The following SREK1 variants were observed in gnomAD, a reference collection of about 807,000 sequenced individuals.
The protein encoded by SREK1 is splicing regulatory glutamic acid and lysine rich protein 1.
A neutral mutation model predicts 66.5 loss-of-function variants in SREK1; 13 were observed. The observed-to-expected ratio is 0.20, with a 90% CI of 0.13 to 0.31. SREK1 has a LOEUF of 0.31. SREK1 is among the 10% of genes least tolerant of loss of function. The probability of loss-of-function intolerance (pLI) is 1.00; values close to 1 mark genes in which losing one functional copy is unlikely to be tolerated. For missense variants in SREK1, 607 were observed against 769.6 expected (o/e 0.79, Z 2.50); for synonymous variants, 265 against 263.5 (o/e 1.01, Z -0.05).
intron 9 of SREK1, among the ~76,000 whole-genome samples, chr5:66,174,373 TAATGA>T (rs1324604527): frequency 1.3e-5 from 2 of 151,618 alleles, no homozygotes; most frequent in Non-Finnish European, 2.9e-5. Flanking sequence ...AGAACAACAG[TAATGA>T]AATGATAGGA....
In SREK1 at chr5:66,176,336, G is replaced by A. The variant is rs543183503; in HGVS notation, c.1581-1178G>A. 9.9e-5 allele frequency among the ~76,000 whole-genome samples: 15 copies of A among 152,150 alleles called. 1 individual carries two copies. Among genetic ancestry groups the A allele is most frequent in the African/African-American group, 3.1e-4 (13 of 41,488 alleles). On this transcript the variant is annotated intron_variant, in intron 10 of 11. Transcript: ENST00000334121. ...CCCTTTTAATTATTGAGATTATACC[G>A]TATTTTTAAGTATTTGGCAAGGCCT...
chr5:66,145,073 A>G (rs1743049363), intron 1 of SREK1: 1 of 985,656 alleles, frequency 1.0e-6, no homozygotes, highest in East Asian at 1.1e-4. Flanking sequence ...ATTTTGGTTT[A>G]TCTAACCGAG....
Position 66,164,882 on chromosome 5 carries a change from C to T in SREK1, c.986C>T (p.Ser329Leu), listed in dbSNP as rs757562626. Residue 329 changes from serine to leucine, a missense_variant, in exon 7 of 12, where the codon TCA becomes TTA. Ser to Leu is a moderately radical substitution (Grantham distance 145). Coordinates refer to ENST00000334121, the MANE Select transcript of SREK1 (RefSeq NM_001077199.3). ...SSKSHSRRKR[S>L]QSKHRSRSHN... is the part of the protein sequence containing the mutation. ...AAATCCCATTCTAGAAGGAAAAGAT[C>T]ACAATCAAAACACAGGTGAGAATTT... 6.2e-7 allele frequency: 1 copy of T among 1,613,800 alleles called. No homozygotes were observed. The highest frequency in any genetic ancestry group is 8.5e-7 in the Non-Finnish European group (1 of 1,179,748).
intron 1 of SREK1, chr5:66,145,232 C>A: frequency 1.1e-6 from 1 of 932,612 alleles, no homozygotes; most frequent in South Asian, 4.9e-5. Context: ...AAGTCCAGAT[C>A]TTGGCTGGCA....
chr5:66,148,843 T>G (rs113383866), intron 1 of SREK1, among the ~76,000 whole-genome samples: 2,154 of 152,232 alleles, frequency 0.014, 50 homozygotes, highest in African/African-American at 0.045. Context: ...CCCCAAGGTC[T>G]TCTTCTGTTG....
chr5:66,159,025 T>C (rs1178297000), intron 2 of SREK1, 194 bp from the exon 3 acceptor site: 3 of 1,415,446 alleles, frequency 2.1e-6, no homozygotes, highest in Non-Finnish European at 2.8e-6. Flanking sequence ...TTTGAAGTTT[T>C]GCTCACTTTT....
chr5:66,144,653 G>C (rs749116041), intron 1 of SREK1, 116 bp downstream of exon 1: 1 of 1,422,584 alleles, frequency 7.0e-7, no homozygotes, highest in Non-Finnish European at 9.2e-7. Flanking sequence ...GATCGCGCCG[G>C]CTTACCTTGG....
In SREK1 at chr5:66,177,373, A is replaced by G. The variant is rs73109314; in HGVS notation, c.1581-141A>G. ...TCAGGTTGTAGGGCTCATTTATGTT[A>G]CTTTGCAAACCAGCTTACTGTTGAT... On this transcript the variant is annotated intron_variant, in intron 10 of 11. Coordinates refer to ENST00000334121, the MANE Select transcript of SREK1 (RefSeq NM_001077199.3). The G allele has an allele frequency of 4.5e-3, 3,201 of 714,208 alleles. 84 individuals carry two copies. In the African/African-American group the frequency reaches 0.054, roughly 12 times the overall value. The allele number at this position is 714,208 out of a possible 1,614,324, so 44.2% of individuals were successfully genotyped here. A position where few individuals can be genotyped will look rare whatever the true frequency, so the allele number is the denominator to read the frequency against.
At chr5:66,159,356 A>C in intron 3 of SREK1, 22 bp downstream of exon 3, 1 of 1,576,294 alleles carries the variant, frequency 6.3e-7, no homozygotes, top group Non-Finnish European at 8.6e-7. Context: ...AAGCTGGCTT[A>C]TGAAAGAGGT....
Position 66,170,960 on chromosome 5 carries a change from T to C in SREK1, c.1484+13T>C, listed in dbSNP as rs1224248423. ...GTAGTTCCAGCAGGTTTGATAATGC[T>C]TAAAATTTTTACAAAGGGATTTGCT... On this transcript the variant is annotated intron_variant, in intron 9 of 11. Coordinates refer to ENST00000334121, the MANE Select transcript of SREK1 (RefSeq NM_001077199.3). 8 of 1,575,966 alleles carry C rather than the reference T, an allele frequency of 5.1e-6. No homozygotes were observed. The highest frequency in any genetic ancestry group is 6.9e-6 in the Non-Finnish European group (8 of 1,167,044).
At chr5:66,176,222 T>G (rs1251530302) in intron 10 of SREK1, among the ~76,000 whole-genome samples, 1 of 152,134 alleles carries the variant, frequency 6.6e-6, no homozygotes, top group African/African-American at 2.4e-5. Flanking sequence ...CTTTGTCATG[T>G]GCTGTGTTTT....
chr5:66,170,986 G>C (rs763936343), intron 9 of SREK1, 39 bp downstream of exon 9: 3 of 1,558,038 alleles, frequency 1.9e-6, no homozygotes, highest in Non-Finnish European at 1.7e-6. Context: ...GGGATTTGCT[G>C]ATGACAATTG....
At chr5:66,174,761 T>C (rs145643104) in intron 9 of SREK1, 185 bp from the exon 10 acceptor site, 1 of 452,382 alleles carries the variant, frequency 2.2e-6, no homozygotes, top group African/African-American at 2.0e-5. Flanking sequence ...GTAAAATTTA[T>C]GGTTCATAAT....
Position 66,179,760 on chromosome 5 carries a change from G to A in SREK1, c.*892G>A, listed in dbSNP as rs561723861. Reference sequence around the variant, plus strand: ...TGGGAGCACAAGCTGAAGCTTTAGTGCCTTCTACAATGTGGTATACTGTTT... The same window carrying A: ...TGGGAGCACAAGCTGAAGCTTTAGTACCTTCTACAATGTGGTATACTGTTT... On this transcript the variant is annotated 3_prime_UTR_variant, in exon 12 of 12. Coordinates refer to ENST00000334121, the MANE Select transcript of SREK1 (RefSeq NM_001077199.3). The A allele has an allele frequency of 6.6e-6, 1 of 152,604 alleles. No individual in the cohort carries two copies. Among genetic ancestry groups the A allele is most frequent in the African/African-American group, 2.4e-5 (1 of 41,538 alleles). 9.5% of individuals were successfully genotyped at this position (152,604 alleles called of 1,614,324 possible). A position where few individuals can be genotyped will look rare whatever the true frequency, so the allele number is the denominator to read the frequency against.
rs1008326898 is a variant in SREK1, at chr5:66,152,135, A to C, written c.162-1328A>C. On this transcript the variant is annotated intron_variant, in intron 1 of 11. Coordinates refer to ENST00000334121, the MANE Select transcript of SREK1 (RefSeq NM_001077199.3). ...CCAGAGTGCTGGGATTACAGGCGTG[A>C]GCCACTGCGCCCGGCGGTACATCTT... Among the ~76,000 whole-genome samples the C allele has an allele frequency of 5.9e-5, 9 of 152,152 alleles. No individual in the cohort carries two copies. In the South Asian group the frequency reaches 1.0e-3, roughly 17 times the overall value.
At position 66,182,710 on chromosome 5, in the gene SREK1, CAT is replaced by C. The variant is rs1443939743; in HGVS notation, c.*3843_*3844del. On this transcript the variant is annotated 3_prime_UTR_variant, in exon 12 of 12. Transcript: ENST00000334121. Reference sequence around the variant, plus strand: ...CCTCTTGAATAGCTGGGACCACAGACATGTGCCACCAAGCCCAGTTAATTTTA... The same window carrying C: ...CCTCTTGAATAGCTGGGACCACAGACGTGCCACCAAGCCCAGTTAATTTTA... 13 of 152,322 alleles carry C rather than the reference CAT, an allele frequency of 8.5e-5. No homozygotes were observed. In the South Asian group the frequency reaches 1.7e-3, roughly 19 times the overall value. The allele number at this position is 152,322 out of a possible 1,614,324, so 9.4% of individuals were successfully genotyped here.
chr5:66,171,273 T>C (rs565988458), intron 9 of SREK1, among the ~76,000 whole-genome samples: 1 of 152,328 alleles, frequency 6.6e-6, no homozygotes, highest in African/African-American at 2.4e-5. Context: ...CTTAGGCTTT[T>C]TCCTGAACTT....
chr5:66,149,514 A>G (rs27077), intron 1 of SREK1, among the ~76,000 whole-genome samples: 47,897 of 151,904 alleles, frequency 0.32, 8,819 homozygotes, highest in African/African-American at 0.5. Context: ...ATGTAGTTGC[A>G]TTACAAACCA....
intron 1 of SREK1, among the ~76,000 whole-genome samples, chr5:66,146,711 G>A (rs1175391309): frequency 6.6e-6 from 1 of 151,966 alleles, no homozygotes; most frequent in East Asian, 1.9e-4. Flanking sequence ...AGACGTGTTT[G>A]CAAATTTGGA....
Sources: allele counts gnomAD v4.1 joint callset (sites outside exome capture counted in the v4.1 genomes callset), GRCh38; gene constraint gnomAD v4.1.1; transcripts MANE v1.5; gene names NCBI Gene and HGNC (gene_info 2026-07-23, HGNC 2026-07-21).